SLC44A5: variants seen among roughly 807,000 people sequenced by gnomAD.
SLC44A5 encodes the protein solute carrier family 44 member 5, also known as choline transporter-like protein 5.
In SLC44A5, 57 loss-of-function variants were observed where a neutral mutation model predicts 101.8. That is an observed-to-expected ratio of 0.56 (90% CI 0.45 to 0.70). The LOEUF (loss-of-function observed/expected upper bound fraction) is 0.70. Among genes scored for constraint, SLC44A5 ranks in the 30% least tolerant of loss-of-function variants. SLC44A5 has a pLI of 0.00. For missense variants in SLC44A5, 737 were observed against 853.1 expected (o/e 0.86, Z 1.70); for synonymous variants, 281 against 290.9 (o/e 0.97, Z 0.35).
chr1:75,413,049 A>G (rs2101520232), intron 2 of SLC44A5, among the ~76,000 whole-genome samples: 1 of 152,326 alleles, frequency 6.6e-6, no homozygotes, highest in East Asian at 1.9e-4. Flanking sequence ...AAGAAGGGTG[A>G]GTATAGTACA....
At chr1:75,476,399 G>T (rs527382533) in intron 2 of SLC44A5, among the ~76,000 whole-genome samples, 26 of 152,252 alleles carry the variant, frequency 1.7e-4, no homozygotes, top group Non-Finnish European at 2.8e-4. Flanking sequence ...GACAGTGGGC[G>T]CAGGACAGTG....
chr1:75,699,297 C>T, the SLC44A5 span, among the ~76,000 whole-genome samples: 11 of 152,042 alleles, frequency 7.2e-5, no homozygotes, highest in East Asian at 1.9e-4. Flanking sequence ...AGACTAACAG[C>T]GGATCTCTCG....
chr1:75,269,528 T>G (rs1001869407), intron 6 of SLC44A5, among the ~76,000 whole-genome samples: 1 of 151,958 alleles, frequency 6.6e-6, no homozygotes, highest in African/African-American at 2.4e-5. Context: ...CTTCTATGGT[T>G]TTATATTTTA....
chr1:75,348,256 A>G (rs897005395), intron 3 of SLC44A5, among the ~76,000 whole-genome samples: 2 of 152,176 alleles, frequency 1.3e-5, no homozygotes, highest in Non-Finnish European at 2.9e-5. Flanking sequence ...AAAATAGTGG[A>G]AAAATATCAG....
chr1:75,567,196 G>T (rs1018841808), intron 1 of SLC44A5, among the ~76,000 whole-genome samples: 1 of 150,766 alleles, frequency 6.6e-6, no homozygotes, highest in Admixed American at 6.6e-5. Flanking sequence ...TTTCCTCAGG[G>T]ATAACTTTTT....
At position 75,571,856 on chromosome 1, in the gene SLC44A5, A is replaced by G. The variant is rs367725646; in HGVS notation, c.-69-30340T>C. On this transcript the variant is annotated intron_variant, in intron 1 of 23. Transcript: ENST00000370859. ...TAAATAAAGTTGTTCAGTTGAAAAC[A>G]AAGATAAAGAAAAGATCTTAAAAAC... Among the ~76,000 whole-genome samples the G allele has an allele frequency of 5.9e-5, 9 of 152,250 alleles. No homozygotes were observed. The South Asian group carries it at 6.2e-4, about 11-fold the overall frequency.
chr1:75,428,664 G>A (rs778810639), intron 2 of SLC44A5, among the ~76,000 whole-genome samples: 3 of 152,096 alleles, frequency 2.0e-5, no homozygotes, highest in Non-Finnish European at 4.4e-5. Context: ...CACCAATTTA[G>A]AAAGATTTGT....
At position 75,287,426 on chromosome 1, in the gene SLC44A5, C is replaced by CTTTTTTTTTTTTT. The variant is rs371647505; in HGVS notation, c.176-12397_176-12385dup. Reference sequence around the variant, plus strand: ...AGCTTAATAATTGACCTTCTGAATTCTTTTTTTTTTTTTTTTTTTTTTTGG... The same window carrying CTTTTTTTTTTTTT: ...AGCTTAATAATTGACCTTCTGAATTCTTTTTTTTTTTTTTTTTTTTTTTTTTTTTTTTTTTTGG... On this transcript the variant is annotated intron_variant, in intron 5 of 23. Coordinates refer to ENST00000370859, the MANE Select transcript of SLC44A5 (RefSeq NM_001130058.2). Among the ~76,000 whole-genome samples the CTTTTTTTTTTTTT allele has an allele frequency of 3.4e-4, 24 of 69,892 alleles. 1 individual carries two copies. The highest frequency in any genetic ancestry group is 0.02 in the Middle Eastern group (1 of 50). 45.9% of individuals were successfully genotyped at this position (69,892 alleles called of 152,430 possible).
At chr1:75,376,312 G>T (rs1395424682) in intron 3 of SLC44A5, among the ~76,000 whole-genome samples, 1 of 152,228 alleles carries the variant, frequency 6.6e-6, no homozygotes, top group Non-Finnish European at 1.5e-5. Context: ...CAGCCAGGAA[G>T]CTCCAACTGG....
chr1:75,407,204 A>C (rs1662932533), intron 2 of SLC44A5, among the ~76,000 whole-genome samples: 1 of 152,188 alleles, frequency 6.6e-6, no homozygotes, highest in South Asian at 2.1e-4. Context: ...TCAAGGAAAC[A>C]AGAGAGGACA....
chr1:75,293,765 T>C lies in SLC44A5; in HGVS notation c.175+6847A>G, dbSNP rs575335051. On this transcript the variant is annotated intron_variant, in intron 5 of 23. Coordinates refer to ENST00000370859, the MANE Select transcript of SLC44A5 (RefSeq NM_001130058.2). ...GGTCATGTCCTTGAGCACAAATCAA[T>C]CCCTCTCATGATAACAATACTCCAC... Among the ~76,000 whole-genome samples, 3 of 152,212 alleles carry C rather than the reference T, an allele frequency of 2.0e-5. No individual in the cohort carries two copies. The South Asian group carries it at 6.2e-4, about 32-fold the overall frequency.
intron 3 of SLC44A5, chr1:75,357,337 G>A (rs1286605454): frequency 1.8e-5 from 7 of 382,078 alleles, no homozygotes; most frequent in South Asian, 9.3e-5. Context: ...AAATGTGAAC[G>A]TGTCCTGACC....
At chr1:75,572,749 C>T (rs930922262) in intron 1 of SLC44A5, among the ~76,000 whole-genome samples, 1 of 151,918 alleles carries the variant, frequency 6.6e-6, no homozygotes, top group Non-Finnish European at 1.5e-5. Flanking sequence ...GGAAAACAGA[C>T]TATTGATATG....
At chr1:75,500,667 A>G (rs1668912506) in intron 2 of SLC44A5, among the ~76,000 whole-genome samples, 1 of 152,220 alleles carries the variant, frequency 6.6e-6, no homozygotes, top group African/African-American at 2.4e-5. Flanking sequence ...GACTGATACA[A>G]ACACTCTGAG....
At chr1:75,238,385 CATATATATATATAT>C (rs71081318) in intron 10 of SLC44A5, 114 bp downstream of exon 10, 32,676 of 213,192 alleles carry the variant, frequency 0.15, 4,653 homozygotes, top group Middle Eastern at 0.28. Flanking sequence ...ACGTATATTT[CATATATATATATAT>C]ATATATATAT....
chr1:75,398,665 G>A (rs1662280383), intron 2 of SLC44A5, among the ~76,000 whole-genome samples: 1 of 152,076 alleles, frequency 6.6e-6, no homozygotes, highest in East Asian at 1.9e-4. Flanking sequence ...ATTCCATACA[G>A]TATAGTTTTG....
At chr1:75,646,580 A>G in the SLC44A5 span, among the ~76,000 whole-genome samples, 1 of 152,106 alleles carries the variant, frequency 6.6e-6, no homozygotes, top group Non-Finnish European at 1.5e-5. Flanking sequence ...CACATGTTGC[A>G]GGAGGGACAT....
intron 5 of SLC44A5, among the ~76,000 whole-genome samples, chr1:75,277,127 G>T (rs937677138): frequency 6.6e-6 from 1 of 152,156 alleles, no homozygotes; most frequent in African/African-American, 2.4e-5. Flanking sequence ...TACACGAAAA[G>T]GGGAGAATAA....
chr1:75,328,297 A>C (rs901306445), intron 4 of SLC44A5, among the ~76,000 whole-genome samples: 11 of 152,214 alleles, frequency 7.2e-5, no homozygotes, highest in Non-Finnish European at 1.6e-4. Flanking sequence ...ACAATATTTG[A>C]AAAATATAGC....
Sources: allele counts gnomAD v4.1 joint callset (sites outside exome capture counted in the v4.1 genomes callset), GRCh38; gene constraint gnomAD v4.1.1; transcripts MANE v1.5; gene names NCBI Gene and HGNC (gene_info 2026-07-23, HGNC 2026-07-21).